MUC22: variants seen among roughly 807,000 people sequenced by gnomAD.
MUC22 encodes mucin 22, also known as mucin-22.
Under a neutral mutation model 40.3 loss-of-function variants are expected in MUC22, and 24 were observed. The observed-to-expected ratio is 0.60, with a 90% CI of 0.43 to 0.84. The LOEUF is 0.84. Ranked by LOEUF, MUC22 falls within the 40% of genes least tolerant of loss-of-function variation. The pLI, the probability that MUC22 is intolerant of heterozygous loss-of-function variation, is 0.00. For synonymous variants in MUC22, 765 were observed against 844.5 expected, an observed-to-expected ratio of 0.91 and a Z score of 1.63; for missense variants, 1,926 against 2,130.7, an observed-to-expected ratio of 0.90 and a Z score of 1.89.
rs1022931568 is a variant in MUC22 at position 31,029,668 on chromosome 6, T to C, written c.4237T>C (p.Ser1413Pro). 14 of 1,534,698 alleles carry C rather than the reference T, an allele frequency of 9.1e-6. No homozygotes were observed. The African/African-American group carries it at 1.9e-4, about 21-fold the overall frequency. Residue 1413 changes from serine to proline, a missense_variant, in exon 2 of 4, where the codon TCT (serine) becomes CCT (proline). Coordinates refer to ENST00000561890, the Ensembl canonical transcript of MUC22. ...GACCACCACAGTCTCTACCATAGGC[T>C]CTGAGGCCACCACATCCTCTGCTGC...
intron 2 of MUC22, among the ~76,000 whole-genome samples, chr6:31,030,320 A>G (rs1562621021): frequency 6.6e-6 from 1 of 152,130 alleles, no homozygotes; most frequent in South Asian, 2.1e-4. Context: ...GATTGAGACC[A>G]TCCTGGCTAA....
chr6:31,023,077 C>T (rs926084226), intron 1 of MUC22, among the ~76,000 whole-genome samples: 4 of 151,734 alleles, frequency 2.6e-5, no homozygotes, highest in African/African-American at 9.7e-5. Context: ...TGGCAGTGAG[C>T]TGAGATCCCA....
chr6:31,026,488 G>C, exon 2 of MUC22: 1 of 1,507,068 alleles, frequency 6.6e-7, no homozygotes, highest in Non-Finnish European at 8.9e-7. Flanking sequence ...CTCCACTGCA[G>C]GCTCTGAGAC....
intron 1 of MUC22, among the ~76,000 whole-genome samples, chr6:31,023,427 C>T (rs2150775683): frequency 6.6e-6 from 1 of 151,950 alleles, no homozygotes; most frequent in Middle Eastern, 3.4e-3. Flanking sequence ...TGCCTGTGAT[C>T]CTAGATAGTT....
rs1049047376 is a variant in MUC22 at position 31,010,848 on chromosome 6, C to T, written c.70+72C>T. Reference sequence around the variant, plus strand: ...TAAGCCCTGAAGGAGATGGGGAATCCCCTGCCCAGGCATGACTCTTCTTCC... The same window carrying T: ...TAAGCCCTGAAGGAGATGGGGAATCTCCTGCCCAGGCATGACTCTTCTTCC... On this transcript the variant is annotated intron_variant, in intron 1 of 3. Transcript: ENST00000561890. 4 of 689,700 alleles carry T rather than the reference C, an allele frequency of 5.8e-6. No homozygotes were observed. The Admixed American group carries it at 6.4e-5, about 11-fold the overall frequency. The allele number at this position is 689,700 out of a possible 1,614,324, so 42.7% of individuals were successfully genotyped here. A position where few individuals can be genotyped will look rare whatever the true frequency, so the allele number is the denominator to read the frequency against.
Position 31,024,003 on chromosome 6 carries a change from C to A in MUC22, c.71-1499C>A, listed in dbSNP as rs577423288. 2.6e-5 allele frequency among the ~76,000 whole-genome samples: 4 copies of A among 152,194 alleles called. No homozygotes were observed. In the South Asian group the frequency reaches 8.3e-4, roughly 32 times the overall value. ...ATATTATCTGTCACCTGATAGTATG[C>A]AAAGAGAAGAATACAGCATCACTTC... On this transcript the variant is annotated intron_variant, in intron 1 of 3. Coordinates refer to ENST00000561890, the Ensembl canonical transcript of MUC22.
intron 1 of MUC22, among the ~76,000 whole-genome samples, chr6:31,019,228 TTTTCG>T (rs1289948410): frequency 6.6e-6 from 1 of 152,230 alleles, no homozygotes; most frequent in East Asian, 1.9e-4. Context: ...TCTTGACTTC[TTTTCG>T]TGTCATCCAC....
chr6:31,014,582 T>C (rs1027751521), intron 1 of MUC22, among the ~76,000 whole-genome samples: 1 of 152,214 alleles, frequency 6.6e-6, no homozygotes, highest in African/African-American at 2.4e-5. Context: ...TGGTGGGAAA[T>C]TATTTTAAAA....
chr6:31,014,395 A>G (rs531422824), intron 1 of MUC22, among the ~76,000 whole-genome samples: 1 of 136,802 alleles, frequency 7.3e-6, no homozygotes, highest in African/African-American at 2.6e-5. Flanking sequence ...AATCCCATTT[A>G]GAAGCCTCTG....
At chr6:31,025,730 A>C (rs1765233746) in exon 2 of MUC22, 1 of 1,525,114 alleles carries the variant, frequency 6.6e-7, no homozygotes, top group African/African-American at 1.4e-5. Flanking sequence ...TCCACCACAG[A>C]CTCAGGGACT....
chr6:31,017,577 C>T (rs571708621), intron 1 of MUC22, among the ~76,000 whole-genome samples: 7 of 150,860 alleles, frequency 4.6e-5, no homozygotes, highest in East Asian at 3.9e-4. Context: ...CCCTGTGTCT[C>T]GCTCAAGGTT....
exon 2 of MUC22, chr6:31,026,937 C>T (rs1209760123): frequency 2.0e-6 from 3 of 1,504,898 alleles, no homozygotes; most frequent in Non-Finnish European, 2.7e-6. Flanking sequence ...CCACTGCAGG[C>T]TCTGAGACCA....
chr6:31,025,412 A>G, intron 1 of MUC22, 90 bp from the exon 2 acceptor site: 1 of 1,324,274 alleles, frequency 7.6e-7, no homozygotes, highest in South Asian at 1.6e-5. Flanking sequence ...ATGAATAAGA[A>G]GTACTGAGTA....
chr6:31,015,576 C>T (rs1562576276), intron 1 of MUC22, among the ~76,000 whole-genome samples: 1 of 151,988 alleles, frequency 6.6e-6, no homozygotes, highest in Non-Finnish European at 1.5e-5. Context: ...TCCACCCTCA[C>T]ATTTGACTCA....
chr6:31,018,818 CTT>C (rs1426020234), intron 1 of MUC22, among the ~76,000 whole-genome samples: 1 of 152,258 alleles, frequency 6.6e-6, no homozygotes. Context: ...TCTCTATTCT[CTT>C]GACTTCCTTG....
chr6:31,012,805 G>A (rs9262463), intron 1 of MUC22, among the ~76,000 whole-genome samples: 22,093 of 148,412 alleles, frequency 0.15, 1,768 homozygotes, highest in African/African-American at 0.19. Context: ...CCCTCCTGCC[G>A]TCTCAGGGGC....
intron 1 of MUC22, among the ~76,000 whole-genome samples, chr6:31,015,525 C>T (rs1319239082): frequency 6.6e-6 from 1 of 152,088 alleles, no homozygotes; most frequent in African/African-American, 2.4e-5. Flanking sequence ...GAAAAATGGG[C>T]CCAGCTGTCC....
chr6:31,035,292 G>A lies in MUC22; in HGVS notation c.*354G>A, dbSNP rs192766935. The A allele has an allele frequency of 1.4e-3, 401 of 281,110 alleles. 2 individuals are homozygous for A. The highest frequency in any genetic ancestry group is 7.5e-3 in the African/African-American group (346 of 46,016). 17.4% of individuals were successfully genotyped at this position (281,110 alleles called of 1,614,324 possible). On this transcript the variant is annotated 3_prime_UTR_variant, in exon 4 of 4. Coordinates refer to ENST00000561890, the Ensembl canonical transcript of MUC22. Reference sequence around the variant, plus strand: ...CAGGACATCTTCTCTCCCATTTCCCGCCACATCAGGGTCAACGTTTCTCAT... The same window carrying A: ...CAGGACATCTTCTCTCCCATTTCCCACCACATCAGGGTCAACGTTTCTCAT...
Position 31,029,112 on chromosome 6 carries a change from G to A in MUC22, c.3681G>A (p.Thr1227=), listed in dbSNP as rs144914215. ...CTACTATGGGCTCTGAGACCACCACGGCCTCTACTGCAGGCTCAGAGACCA... is the reference window on the plus strand; with the variant it reads ...CTACTATGGGCTCTGAGACCACCACAGCCTCTACTGCAGGCTCAGAGACCA... Residue 1227 remains threonine (T), a synonymous_variant, in exon 2 of 4, where the codon ACG becomes ACA. Coordinates refer to ENST00000561890, the Ensembl canonical transcript of MUC22. 11,945 of 1,427,466 alleles carry A rather than the reference G, an allele frequency of 8.4e-3. 171 individuals are homozygous for A. The highest frequency in any genetic ancestry group is 0.051 in the East Asian group (1,711 of 33,768). The allele number at this position is 1,427,466 out of a possible 1,614,324, so 88.4% of individuals were successfully genotyped here.
Sources: gnomAD v4.1 joint callset for allele counts (sites outside exome capture counted in the v4.1 genomes callset) on GRCh38, gnomAD v4.1.1 for gene constraint, MANE v1.5 for transcripts, NCBI Gene and HGNC (gene_info 2026-07-23, HGNC 2026-07-21) for gene names.